DSCAML1: variants seen among roughly 807,000 people sequenced by gnomAD.
DSCAML1 encodes the protein cell adhesion molecule DSCAML1.
A neutral mutation model predicts 200.5 loss-of-function variants in DSCAML1; 38 were observed. The ratio of observed to expected loss-of-function variants is 0.19; its 90% confidence interval spans 0.15 to 0.25. The LOEUF (loss-of-function observed/expected upper bound fraction) is 0.25. DSCAML1 is among the 10% of genes least tolerant of loss of function. DSCAML1 has a pLI of 1.00. For missense variants in DSCAML1, 2,223 were observed against 2,858.8 expected, an observed-to-expected ratio of 0.78 and a Z score of 5.07; for synonymous variants, 1,215 against 1,165.0, an observed-to-expected ratio of 1.04 and a Z score of -0.87.
chr11:117,439,081 C>A lies in DSCAML1; in HGVS notation c.4145-98G>T, dbSNP rs771583003. ...ACGGGAAGGTGCTGGCTCTCCCACA[C>A]CCTCACTCCCACTCCCACTCCCCAG... On this transcript the variant is annotated intron_variant, in intron 23 of 32. Transcript: ENST00000651296. The A allele has an allele frequency of 1.2e-3, 1,577 of 1,357,124 alleles. 2 individuals are homozygous for A. Among genetic ancestry groups the A allele is most frequent in the Non-Finnish European group, 1.4e-3 (1,431 of 995,956 alleles). 84.1% of individuals were successfully genotyped at this position (1,357,124 alleles called of 1,614,324 possible). A position where few individuals can be genotyped will look rare whatever the true frequency, so the allele number is the denominator to read the frequency against.
chr11:117,752,748 GA>G (rs2054623554), intron 3 of DSCAML1, among the ~76,000 whole-genome samples: 2 of 152,222 alleles, frequency 1.3e-5, no homozygotes, highest in Non-Finnish European at 2.9e-5. Flanking sequence ...TGAGGGAGAA[GA>G]AGCCTATTTC....
chr11:117,697,773 C>CTT (rs571575861), intron 3 of DSCAML1, among the ~76,000 whole-genome samples: 36 of 138,078 alleles, frequency 2.6e-4, no homozygotes, highest in African/African-American at 7.7e-4. Flanking sequence ...TCAAAATTTC[C>CTT]TTTTTTTTTT....
Position 117,431,675 on chromosome 11 carries a change from A to G in DSCAML1, c.5233T>C (p.Ser1745Pro). The G allele has an allele frequency of 1.2e-6, 2 of 1,611,208 alleles. No individual in the cohort carries two copies. The highest frequency in any genetic ancestry group is 2.2e-5 in the South Asian group (2 of 90,720). ...KSAHSTRNRYSSQWTLTKCQA... is the reference protein window; with the variant it reads ...KSAHSTRNRYPSQWTLTKCQA... ...CACTTGGTCAGGGTCCACTGGCTTGAGTACCGGTTCCGGGTGCTGTGGGCT... is the reference window on the plus strand; with the variant it reads ...CACTTGGTCAGGGTCCACTGGCTTGGGTACCGGTTCCGGGTGCTGTGGGCT... Residue 1745 changes from serine (S) to proline (P), a missense_variant, in exon 31 of 33, where the codon TCA becomes CCA. Physicochemically the swap from Ser to Pro is moderately conservative, Grantham distance 74 (BLOSUM62 -1). Around this residue, in one of 7 missense-constraint regions of DSCAML1, gnomAD observed 614 missense variants for 739.1 expected, o/e 0.83. Transcript: ENST00000651296.
At chr11:117,737,070 A>C (rs1334541325) in intron 3 of DSCAML1, among the ~76,000 whole-genome samples, 1 of 152,188 alleles carries the variant, frequency 6.6e-6, no homozygotes, top group Non-Finnish European at 1.5e-5. Context: ...TCCAGGTGAG[A>C]GATCTGCTGT....
intron 3 of DSCAML1, among the ~76,000 whole-genome samples, chr11:117,609,412 G>T (rs998759038): frequency 6.6e-6 from 1 of 151,224 alleles, no homozygotes; most frequent in Non-Finnish European, 1.5e-5. Flanking sequence ...GGCTCATGCA[G>T]TTCTCCCCTC....
At chr11:117,666,699 G>T (rs1266147005) in intron 3 of DSCAML1, among the ~76,000 whole-genome samples, 1 of 152,210 alleles carries the variant, frequency 6.6e-6, no homozygotes, top group Non-Finnish European at 1.5e-5. Context: ...GGCCCCGGCA[G>T]GAGTGCATTG....
chr11:117,504,998 T>C lies in DSCAML1; in HGVS notation c.2108A>G (p.Tyr703Cys). The C allele has an allele frequency of 1.2e-6, 2 of 1,612,788 alleles. No individual in the cohort carries two copies. The highest frequency in any genetic ancestry group is 1.7e-6 in the Non-Finnish European group (2 of 1,179,288). Reference protein sequence around the residue: ...VVQPNNQDGIYGKAGVLNCSV... With the variant: ...VVQPNNQDGICGKAGVLNCSV... ...GCAGTTGAGCACACCAGCTTTGCCG[T>C]AGATGCCATCCTGGTTGTTGGGTTG... The change falls in exon 10 of 33, where the codon TAC (tyrosine) becomes TGC (cysteine). Residue 703 changes from tyrosine to cysteine, a missense_variant. Tyr to Cys is a radical substitution (Grantham distance 194, BLOSUM62 -2). Around this residue, in one of 7 missense-constraint regions of DSCAML1, gnomAD observed 212 missense variants for 368.0 expected, o/e 0.58. Coordinates refer to ENST00000651296, the MANE Select transcript of DSCAML1 (RefSeq NM_020693.4). The surrounding 1 kb of genome is among the most constrained non-coding windows in gnomAD (Gnocchi z 5.0).
At chr11:117,442,038 G>GTA (rs1555168545) in intron 21 of DSCAML1, among the ~76,000 whole-genome samples, 1 of 80,332 alleles carries the variant, frequency 1.2e-5, no homozygotes, top group African/African-American at 4.4e-5. Flanking sequence ...GTGTATGTGT[G>GTA]TGTGTGTGTT....
intron 3 of DSCAML1, among the ~76,000 whole-genome samples, chr11:117,668,056 T>C (rs2053017229): frequency 6.6e-6 from 1 of 152,262 alleles, no homozygotes; most frequent in African/African-American, 2.4e-5. Flanking sequence ...TGGTCCCCTT[T>C]ATTCCTACAA....
chr11:117,605,029 T>C (rs1205655543), intron 3 of DSCAML1, among the ~76,000 whole-genome samples: 14 of 152,162 alleles, frequency 9.2e-5, no homozygotes, highest in Admixed American at 9.2e-4. Flanking sequence ...GGTTCTTTTT[T>C]CTACCCTGCC....
In DSCAML1 at chr11:117,697,773, C is replaced by CT. The variant is rs571575861; in HGVS notation, c.511+79017dup. On this transcript the variant is annotated intron_variant, in intron 3 of 32. Coordinates refer to ENST00000651296, the MANE Select transcript of DSCAML1 (RefSeq NM_020693.4). ...ATGTTGTAGGATGTGTCAAAATTTC[C>CT]TTTTTTTTTTTTTTTTTAGACGGAG... is the stretch of plus-strand genomic sequence containing the variant. 9.3e-3 allele frequency among the ~76,000 whole-genome samples: 1,290 copies of CT among 138,068 alleles called. 11 individuals carry two copies. The highest frequency in any genetic ancestry group is 0.026 in the Middle Eastern group (7 of 270). The allele number at this position is 138,068 out of a possible 152,430, so 90.6% of individuals were successfully genotyped here.
intron 3 of DSCAML1, among the ~76,000 whole-genome samples, chr11:117,552,346 C>T (rs754768223): frequency 6.6e-6 from 1 of 152,130 alleles, no homozygotes; most frequent in East Asian, 1.9e-4. Context: ...CCCCAATCTA[C>T]ACAGACACTG....
At chr11:117,708,653 G>C (rs2053793189) in intron 3 of DSCAML1, among the ~76,000 whole-genome samples, 1 of 152,180 alleles carries the variant, frequency 6.6e-6, no homozygotes, top group South Asian at 2.1e-4. Context: ...GGCATTCCTG[G>C]TATGTTCATT....
Position 117,666,697 on chromosome 11 carries a change from C to A in DSCAML1, c.511+110094G>T, listed in dbSNP as rs190630856. Among the ~76,000 whole-genome samples, 382 of 152,288 alleles carry A rather than the reference C, an allele frequency of 2.5e-3. 1 individual carries two copies. The highest frequency in any genetic ancestry group is 8.6e-3 in the African/African-American group (357 of 41,560). On this transcript the variant is annotated intron_variant, in intron 3 of 32. Coordinates refer to ENST00000651296, the MANE Select transcript of DSCAML1 (RefSeq NM_020693.4). Reference sequence around the variant, plus strand: ...GACCCCTCTGAAGGGCTGGCCCCGGCAGGAGTGCATTGTCTAAAGGAAGGT... The same window carrying A: ...GACCCCTCTGAAGGGCTGGCCCCGGAAGGAGTGCATTGTCTAAAGGAAGGT...
chr11:117,553,273 CAATA>C (rs1461228769), intron 3 of DSCAML1, among the ~76,000 whole-genome samples: 1 of 152,116 alleles, frequency 6.6e-6, no homozygotes, highest in Non-Finnish European at 1.5e-5. Context: ...CAAAAGAAAA[CAATA>C]GATAAATTGG....
chr11:117,470,384 G>A (rs898540794), intron 15 of DSCAML1, among the ~76,000 whole-genome samples: 1 of 152,068 alleles, frequency 6.6e-6, no homozygotes, highest in Non-Finnish European at 1.5e-5. Flanking sequence ...GACCATCCTG[G>A]CTAACAGGGT....
In DSCAML1 at chr11:117,642,907, TA is replaced by T. The variant is rs1190696318; in HGVS notation, c.512-110386del. 6.6e-6 allele frequency among the ~76,000 whole-genome samples: 1 copy of T among 151,842 alleles called. No individual in the cohort carries two copies. ...CTTACCCCAGGAAGCCCTCAGGGAG[TA>T]AAAGGAAGAGACGCCAGGACAGTTT... On this transcript the variant is annotated intron_variant, in intron 3 of 32. Transcript: ENST00000651296. The surrounding 1 kb of genome is among the most constrained non-coding windows in gnomAD (Gnocchi z 4.1).
Position 117,430,900 on chromosome 11 carries a change from G to A in DSCAML1, c.5508C>T (p.Ile1836=). The A allele has an allele frequency of 6.2e-7, 1 of 1,614,212 alleles. No homozygotes were observed. Among genetic ancestry groups the A allele is most frequent in the Non-Finnish European group, 8.5e-7 (1 of 1,180,042 alleles). The change falls in exon 32 of 33, where the codon ATC becomes ATT. Residue 1836 remains isoleucine (I), a synonymous_variant. Coordinates refer to ENST00000651296, the MANE Select transcript of DSCAML1 (RefSeq NM_020693.4). The part of the protein sequence containing the change: ...HAKFEITECF[I]SDSSSDQMTT... ...TCATCTGGTCAGAGGAACTGTCAGA[G>A]ATGAAGCACTCGGTGATCTCAAACT...
At chr11:117,744,637 A>G (rs1023599380) in intron 3 of DSCAML1, among the ~76,000 whole-genome samples, 5 of 152,110 alleles carry the variant, frequency 3.3e-5, no homozygotes, top group African/African-American at 1.2e-4. Flanking sequence ...GCCACTGGCC[A>G]CCCCAGTAGC....
Sources: allele counts gnomAD v4.1 joint callset (sites outside exome capture counted in the v4.1 genomes callset), GRCh38; gene constraint gnomAD v4.1.1; regional missense constraint gnomAD v4.1.1; non-coding constraint Gnocchi (gnomAD v3.1); transcripts MANE v1.5; gene names NCBI Gene and HGNC (gene_info 2026-07-23, HGNC 2026-07-21).